The following PPM1H variants were observed in gnomAD, a reference collection of about 807,000 sequenced individuals.
PPM1H encodes the protein protein phosphatase 1H.
PPM1H carries 27 observed loss-of-function variants against 54.9 expected under a neutral mutation model. That is an observed-to-expected ratio of 0.49 (90% CI 0.36 to 0.68). The LOEUF is 0.68. PPM1H is among the 30% of genes least tolerant of loss of function. The probability of loss-of-function intolerance (pLI) is 0.00; values close to 1 mark genes in which losing one functional copy is unlikely to be tolerated. For synonymous variants in PPM1H, 305 were observed against 270.8 expected (o/e 1.13, Z -1.24); for missense variants, 596 against 667.8 (o/e 0.89, Z 1.19).
At chr12:62,774,683 A>G (rs1161647887) in intron 4 of PPM1H, among the ~76,000 whole-genome samples, 1 of 152,126 alleles carries the variant, frequency 6.6e-6, no homozygotes, top group Non-Finnish European at 1.5e-5. Context: ...TTTTTCCCCA[A>G]TAATGATTGA....
At chr12:62,725,849 A>T (rs1284339484) in intron 5 of PPM1H, among the ~76,000 whole-genome samples, 1 of 152,038 alleles carries the variant, frequency 6.6e-6, no homozygotes, top group African/African-American at 2.4e-5. Context: ...AAAAACAAAG[A>T]CGTGTCTTAG....
intron 1 of PPM1H, among the ~76,000 whole-genome samples, chr12:62,920,153 T>C (rs1479108467): frequency 2.6e-5 from 4 of 152,148 alleles, no homozygotes; most frequent in Non-Finnish European, 1.5e-5. Context: ...CTAATCGCAC[T>C]CTTTGGCTCC....
intron 6 of PPM1H, among the ~76,000 whole-genome samples, chr12:62,700,258 C>T (rs1289243413): frequency 1.1e-4 from 17 of 152,176 alleles, no homozygotes; most frequent in Admixed American, 8.5e-4. Flanking sequence ...TCCCCATCAT[C>T]ACCCTGGTCA....
At chr12:62,820,621 C>G (rs970660438) in intron 2 of PPM1H, among the ~76,000 whole-genome samples, 1 of 152,178 alleles carries the variant, frequency 6.6e-6, no homozygotes, top group Non-Finnish European at 1.5e-5. Context: ...GATACCTAAG[C>G]AAATAGGGTC....
In PPM1H at chr12:62,844,890, T is replaced by C. The variant is rs1437715973; in HGVS notation, c.246-12611A>G. Among the ~76,000 whole-genome samples, 2 of 152,190 alleles carry C rather than the reference T, an allele frequency of 1.3e-5. No individual in the cohort carries two copies. The highest frequency in any genetic ancestry group is 2.4e-5 in the African/African-American group (1 of 41,448). On this transcript the variant is annotated intron_variant, in intron 1 of 9. Coordinates refer to ENST00000228705, the MANE Select transcript of PPM1H (RefSeq NM_020700.2). The surrounding 1 kb of genome is among the most constrained non-coding windows in gnomAD (Gnocchi z 5.2). ...CTCCTCATTTGATTTCTGCATTCCA[T>C]AGAAAAAAATTAATTATAAGCACTT...
At chr12:62,822,168 C>G (rs1156579114) in intron 2 of PPM1H, among the ~76,000 whole-genome samples, 1 of 152,170 alleles carries the variant, frequency 6.6e-6, no homozygotes, top group Admixed American at 6.5e-5. Context: ...AAGGCCATTA[C>G]ATAATGGTAA....
intron 1 of PPM1H, among the ~76,000 whole-genome samples, chr12:62,847,004 A>T (rs942343720): frequency 6.6e-6 from 1 of 152,144 alleles, no homozygotes; most frequent in Non-Finnish European, 1.5e-5. Context: ...TTTCTCCTAG[A>T]CATCATCTTT....
intron 3 of PPM1H, among the ~76,000 whole-genome samples, chr12:62,796,064 A>C (rs2076732356): frequency 6.6e-6 from 1 of 152,198 alleles, no homozygotes; most frequent in South Asian, 2.1e-4. Flanking sequence ...AGTGGTGTCT[A>C]AAAGAATACT....
chr12:62,831,697 T>TTGTGTG lies in PPM1H; in HGVS notation c.411+411_411+416dup, dbSNP rs1225248619. ...GTGGCTCCTTTGAAACCGTCAAACATTGTGTGTGTATGTGTGTGTGTGTGT... is the reference window on the plus strand; with the variant it reads ...GTGGCTCCTTTGAAACCGTCAAACATTGTGTGTGTGTGTGTATGTGTGTGTGTGTGT... On this transcript the variant is annotated intron_variant, in intron 2 of 9. Coordinates refer to ENST00000228705, the MANE Select transcript of PPM1H (RefSeq NM_020700.2). 1.4e-3 allele frequency among the ~76,000 whole-genome samples: 216 copies of TTGTGTG among 149,562 alleles called. 1 individual carries two copies. Among genetic ancestry groups the TTGTGTG allele is most frequent in the East Asian group, 9.0e-3 (45 of 4,978 alleles).
chr12:62,863,579 T>C (rs953859396), intron 1 of PPM1H, among the ~76,000 whole-genome samples: 7 of 152,160 alleles, frequency 4.6e-5, no homozygotes, highest in African/African-American at 1.4e-4. Flanking sequence ...GTAGAGGCAA[T>C]ACTGTCATTC....
intron 9 of PPM1H, among the ~76,000 whole-genome samples, chr12:62,659,464 G>A (rs941234239): frequency 1.3e-5 from 2 of 152,126 alleles, no homozygotes. Context: ...TGGTGTGAGG[G>A]TCAGAACACA....
intron 5 of PPM1H, among the ~76,000 whole-genome samples, chr12:62,725,746 C>G (rs1038625164): frequency 9.9e-5 from 15 of 152,080 alleles, no homozygotes; most frequent in Admixed American, 8.5e-4. Flanking sequence ...GGTGTCTGCC[C>G]TTTTGATGTT....
At chr12:62,917,595 T>G (rs1871664084) in intron 1 of PPM1H, among the ~76,000 whole-genome samples, 1 of 152,236 alleles carries the variant, frequency 6.6e-6, no homozygotes, top group Non-Finnish European at 1.5e-5. Flanking sequence ...CATATCCCCC[T>G]TCCAGGCAAA....
chr12:62,718,618 G>C (rs1205122368), intron 6 of PPM1H, among the ~76,000 whole-genome samples: 2 of 152,046 alleles, frequency 1.3e-5, no homozygotes, highest in African/African-American at 4.8e-5. Context: ...CTGTCTTTTA[G>C]ATCTACTCTT....
At chr12:62,825,938 C>T (rs933156204) in intron 2 of PPM1H, among the ~76,000 whole-genome samples, 1 of 151,504 alleles carries the variant, frequency 6.6e-6, no homozygotes, top group South Asian at 2.1e-4. Flanking sequence ...AAAAAAAGAG[C>T]TCAAACACAG....
At chr12:62,695,881 C>A (rs943532602) in intron 6 of PPM1H, among the ~76,000 whole-genome samples, 1 of 152,038 alleles carries the variant, frequency 6.6e-6, no homozygotes, top group East Asian at 1.9e-4. Flanking sequence ...GGATTGAAGA[C>A]CCCATGTGGA....
intron 1 of PPM1H, among the ~76,000 whole-genome samples, chr12:62,919,984 G>A (rs772796670): frequency 2.6e-5 from 4 of 152,138 alleles, no homozygotes; most frequent in Admixed American, 6.5e-5. Context: ...AACACCAGCT[G>A]CTGTAGTCAG....
At chr12:62,868,470 C>T (rs953135625) in intron 1 of PPM1H, among the ~76,000 whole-genome samples, 1 of 152,154 alleles carries the variant, frequency 6.6e-6, no homozygotes, top group Non-Finnish European at 1.5e-5. Context: ...TGCCCCTCCC[C>T]CAAATAGATA....
intron 1 of PPM1H, among the ~76,000 whole-genome samples, chr12:62,868,657 G>A (rs1869868848): frequency 6.6e-6 from 1 of 152,158 alleles, no homozygotes; most frequent in Non-Finnish European, 1.5e-5. Context: ...ACAATACCCT[G>A]TACAAATATG....
Sources: allele counts gnomAD v4.1 joint callset (sites outside exome capture counted in the v4.1 genomes callset), GRCh38; gene constraint gnomAD v4.1.1; non-coding constraint Gnocchi (gnomAD v3.1); transcripts MANE v1.5; gene names NCBI Gene and HGNC (gene_info 2026-07-23, HGNC 2026-07-21).